Variants in ANKFN1 observed in about 807,000 individuals in gnomAD.
The protein encoded by ANKFN1 is ankyrin repeat and fibronectin type III domain containing 1, also known as ankyrin repeat and fibronectin type-III domain-containing protein 1.
ANKFN1 carries 74 observed loss-of-function variants against 108.7 expected under a neutral mutation model. The ratio of observed to expected loss-of-function variants is 0.68; its 90% CI spans 0.56 to 0.83. ANKFN1 has a LOEUF of 0.83. Ranked by LOEUF, ANKFN1 falls within the 40% of genes least tolerant of loss-of-function variation. The pLI is 0.00. For missense variants in ANKFN1, 1,505 were observed against 1,382.3 expected (o/e 1.09, Z -1.41); for synonymous variants, 547 against 516.2 (o/e 1.06, Z -0.81).
In ANKFN1 at chr17:56,516,277, T is replaced by C. The variant is rs1245550717; in HGVS notation, c.*5008T>C. ...AAAAAAGTGTGTGTGTGTGTGTGTG[T>C]GTGTGCGTGTGTGGTGGTGTCAGAG... On this transcript the variant is annotated 3_prime_UTR_variant, in exon 21 of 21. Transcript: ENST00000682825. Among the ~76,000 whole-genome samples, 1 of 151,988 alleles carries C rather than the reference T, an allele frequency of 6.6e-6. No individual in the cohort carries two copies. Among genetic ancestry groups the C allele is most frequent in the African/African-American group, 2.4e-5 (1 of 41,332 alleles).
intron 1 of ANKFN1, among the ~76,000 whole-genome samples, chr17:56,209,721 T>G (rs963185047): frequency 1.3e-5 from 2 of 152,212 alleles, no homozygotes; most frequent in African/African-American, 4.8e-5. Flanking sequence ...TTTGGTTATA[T>G]GAATAAGTTC....
intron 1 of ANKFN1, among the ~76,000 whole-genome samples, chr17:56,193,312 T>G: frequency 1.5e-5 from 2 of 135,702 alleles, no homozygotes; most frequent in Admixed American, 7.4e-5. Context: ...AGATGACGAG[T>G]TAGTGGGTGC....
intron 3 of ANKFN1, among the ~76,000 whole-genome samples, chr17:56,281,026 C>T (rs1007411147): frequency 2.0e-5 from 3 of 151,126 alleles, no homozygotes; most frequent in African/African-American, 7.3e-5. Flanking sequence ...GGGCCTTTCA[C>T]CTTCTGCCAT....
chr17:56,454,570 C>T (rs778148940), intron 11 of ANKFN1, among the ~76,000 whole-genome samples: 47 of 152,292 alleles, frequency 3.1e-4, no homozygotes, highest in South Asian at 1.0e-3. Context: ...TGAGCACATG[C>T]GTAGGGCTCT....
At chr17:56,123,896 T>C (rs1272888616) in intron 4 of ANKFN1, among the ~76,000 whole-genome samples, 1 of 150,380 alleles carries the variant, frequency 6.6e-6, no homozygotes. Context: ...TCTACATGAA[T>C]TATGAGAGGC....
intron 4 of ANKFN1, among the ~76,000 whole-genome samples, chr17:56,066,605 A>T (rs1295662235): frequency 6.6e-6 from 1 of 152,214 alleles, no homozygotes. Flanking sequence ...TATGCATAAC[A>T]TGACGTGTAT....
intron 3 of ANKFN1, among the ~76,000 whole-genome samples, chr17:56,316,936 C>T (rs2045225202): frequency 2.0e-5 from 3 of 152,198 alleles, no homozygotes; most frequent in African/African-American, 7.2e-5. Flanking sequence ...GAGTGAGGCA[C>T]ATCTACATTA....
Position 56,295,268 on chromosome 17 carries a change from G to A in ANKFN1, c.54-30953G>A, listed in dbSNP as rs1482225946. On this transcript the variant is annotated intron_variant, in intron 3 of 20. Transcript: ENST00000682825. ...TATCACCACTCATTTCAGCAAAAAG[G>A]CAATGCAGTATGAATTCAAGGAAGA... is the stretch of plus-strand genomic sequence containing the variant. Among the ~76,000 whole-genome samples, 2 of 152,196 alleles carry A rather than the reference G, an allele frequency of 1.3e-5. 1 individual carries two copies. Among genetic ancestry groups the A allele is most frequent in the East Asian group, 3.8e-4 (2 of 5,198 alleles).
intron 4 of ANKFN1, among the ~76,000 whole-genome samples, chr17:56,135,002 C>T (rs890963092): frequency 4.6e-5 from 7 of 152,018 alleles, no homozygotes; most frequent in African/African-American, 1.7e-4. Context: ...ATCATTCATG[C>T]GGTGAAGAGG....
chr17:56,186,421 A>G (rs990839453), intron 1 of ANKFN1, among the ~76,000 whole-genome samples: 1 of 151,910 alleles, frequency 6.6e-6, no homozygotes, highest in South Asian at 2.1e-4. Context: ...TTGTGATACC[A>G]TTTTACAGTT....
intron 2 of ANKFN1, among the ~76,000 whole-genome samples, chr17:56,214,679 C>T (rs1165131979): frequency 1.3e-5 from 2 of 152,158 alleles, no homozygotes; most frequent in Admixed American, 6.5e-5. Flanking sequence ...TGCAAAATAT[C>T]TTTCTCTAAG....
intron 20 of ANKFN1, among the ~76,000 whole-genome samples, chr17:56,503,135 ATTT>A (rs11290218): frequency 6.7e-6 from 1 of 149,418 alleles, no homozygotes. Context: ...GGCAGCAGCA[ATTT>A]TTTTTTTTTC....
chr17:56,402,554 G>A (rs2047793637), intron 8 of ANKFN1, among the ~76,000 whole-genome samples: 1 of 151,976 alleles, frequency 6.6e-6, no homozygotes, highest in African/African-American at 2.4e-5. Flanking sequence ...TTGTTTCTTA[G>A]TGGGGTTATT....
rs767270563 is a variant in ANKFN1 at position 56,511,271 on chromosome 17, G to A, written c.*2G>A. 5.9e-6 allele frequency: 9 copies of A among 1,513,662 alleles called. No homozygotes were observed. The South Asian group carries it at 9.9e-5, about 17-fold the overall frequency. 93.8% of individuals were successfully genotyped at this position (1,513,662 alleles called of 1,614,324 possible). Reference sequence around the variant, plus strand: ...GAAATACTCAGCAGCATGCTTTAGGGAGGCCCATCCCGGCTGTCCACCCCT... The same window carrying A: ...GAAATACTCAGCAGCATGCTTTAGGAAGGCCCATCCCGGCTGTCCACCCCT... On this transcript the variant is annotated 3_prime_UTR_variant, in exon 21 of 21. Coordinates refer to ENST00000682825, the MANE Select transcript of ANKFN1 (RefSeq NM_001370326.1).
Position 56,350,967 on chromosome 17 carries a change from G to A in ANKFN1, c.390G>A (p.Val130=), listed in dbSNP as rs1193418999. 1 of 1,613,008 alleles carries A rather than the reference G, an allele frequency of 6.2e-7. No homozygotes were observed. The highest frequency in any genetic ancestry group is 1.1e-5 in the South Asian group (1 of 90,996). ...GGCTGAGTCTCAGGAAGACCTCGGT[G>A]GTAACAAAACTGTTTTTATTCTTGT... is the stretch of plus-strand genomic sequence containing the variant. ...TDRLSLRKTS[V]NFQGNEAMFE... The change falls in exon 5 of 21, where the codon GTG becomes GTA. Residue 130 remains valine, a splice_region_variant and synonymous_variant. Transcript: ENST00000682825.
chr17:56,302,571 A>T (rs2044704658), intron 3 of ANKFN1, among the ~76,000 whole-genome samples: 1 of 152,048 alleles, frequency 6.6e-6, no homozygotes, highest in Admixed American at 6.6e-5. Flanking sequence ...AGAAAAAAGA[A>T]AAACGTATTT....
intron 4 of ANKFN1, 100 bp downstream of exon 4, chr17:56,326,455 A>T: frequency 1.4e-6 from 2 of 1,436,826 alleles, no homozygotes; most frequent in Non-Finnish European, 1.8e-6. Flanking sequence ...CTTAAATGAT[A>T]CTTAAAAATC....
At chr17:56,352,834 T>C (rs1476415843) in intron 5 of ANKFN1, among the ~76,000 whole-genome samples, 1 of 152,104 alleles carries the variant, frequency 6.6e-6, no homozygotes, top group Non-Finnish European at 1.5e-5. Context: ...AACATGTATA[T>C]TTTAGGAAGA....
chr17:56,478,122 C>T (rs2050572653), intron 16 of ANKFN1, among the ~76,000 whole-genome samples: 3 of 152,074 alleles, frequency 2.0e-5, no homozygotes, highest in South Asian at 4.1e-4. Flanking sequence ...CCACCGTGCC[C>T]GGCCAGAGTT....
Sources: allele counts gnomAD v4.1 joint callset (sites outside exome capture counted in the v4.1 genomes callset), GRCh38; gene constraint gnomAD v4.1.1; transcripts MANE v1.5; gene names NCBI Gene and HGNC (gene_info 2026-07-23, HGNC 2026-07-21).